Variants in SHANK2 observed in about 807,000 individuals in gnomAD.
The protein encoded by SHANK2 is SH3 and multiple ankyrin repeat domains 2, also known as SH3 and multiple ankyrin repeat domains protein 2.
Under a neutral mutation model 133.7 loss-of-function variants are expected in SHANK2, and 43 were observed. The ratio of observed to expected loss-of-function variants is 0.32; its 90% confidence interval spans 0.25 to 0.41. SHANK2 has a LOEUF of 0.41. Ranked by LOEUF, SHANK2 falls within the 10% of genes least tolerant of loss-of-function variation. The pLI is 1.00. For synonymous variants in SHANK2, 1,017 were observed against 952.8 expected, an observed-to-expected ratio of 1.07 and a Z score of -1.24; for missense variants, 1,994 against 2,235.8, an observed-to-expected ratio of 0.89 and a Z score of 2.18.
At chr11:71,141,110 T>G (rs1297861399) in intron 3 of SHANK2, among the ~76,000 whole-genome samples, 1 of 152,240 alleles carries the variant, frequency 6.6e-6, no homozygotes, top group African/African-American at 2.4e-5. Flanking sequence ...CGGGGCTGGC[T>G]GGCGTCCTAC....
chr11:70,552,290 G>C (rs969303995), intron 17 of SHANK2, among the ~76,000 whole-genome samples: 10 of 152,196 alleles, frequency 6.6e-5, no homozygotes, highest in African/African-American at 2.2e-4. Flanking sequence ...GAGAAGCTGA[G>C]AGAATGCCTG....
chr11:70,796,495 G>C (rs1947917732), intron 14 of SHANK2, among the ~76,000 whole-genome samples: 1 of 152,222 alleles, frequency 6.6e-6, no homozygotes, highest in South Asian at 2.1e-4. Flanking sequence ...AGGAGTGGTG[G>C]CTGCTCAGGA....
intron 17 of SHANK2, among the ~76,000 whole-genome samples, chr11:70,574,946 G>T (rs1268053629): frequency 1.3e-5 from 2 of 152,102 alleles, no homozygotes; most frequent in Non-Finnish European, 2.9e-5. Flanking sequence ...TGAGCAGAGA[G>T]GCCCCGCTAT....
chr11:71,112,624 A>G (rs1468411338), intron 5 of SHANK2, among the ~76,000 whole-genome samples: 1 of 152,118 alleles, frequency 6.6e-6, no homozygotes, highest in Admixed American at 6.5e-5. Context: ...GAACAGCACC[A>G]GGGGCCAGGG....
intron 14 of SHANK2, among the ~76,000 whole-genome samples, chr11:70,713,227 G>A (rs1361165142): frequency 6.6e-6 from 1 of 152,214 alleles, no homozygotes; most frequent in Non-Finnish European, 1.5e-5. Context: ...CAGCATGCTG[G>A]GCTGTGTTTC....
chr11:71,186,321 A>T (rs1953671016), intron 2 of SHANK2, among the ~76,000 whole-genome samples: 1 of 152,130 alleles, frequency 6.6e-6, no homozygotes, highest in African/African-American at 2.4e-5. Context: ...GGAGTGGACA[A>T]ATGCCGTCTG....
intron 15 of SHANK2, among the ~76,000 whole-genome samples, chr11:70,680,114 C>T (rs1045816184): frequency 2.0e-5 from 3 of 152,258 alleles, no homozygotes; most frequent in African/African-American, 7.2e-5. Flanking sequence ...CCTGCAGCCT[C>T]GGTTTCTCCA....
intron 11 of SHANK2, among the ~76,000 whole-genome samples, chr11:70,893,529 A>G (rs1555075123): frequency 6.6e-6 from 1 of 152,232 alleles, no homozygotes; most frequent in Non-Finnish European, 1.5e-5. Context: ...CTCAGCCTCC[A>G]CACCCTTCAT....
chr11:70,819,786 C>G (rs782374923), intron 12 of SHANK2, among the ~76,000 whole-genome samples: 3 of 152,186 alleles, frequency 2.0e-5, no homozygotes, highest in Admixed American at 6.5e-5. Context: ...CCTGCAAGTG[C>G]TCCCCTGAGG....
At chr11:70,875,417 C>T (rs1457257263) in intron 11 of SHANK2, among the ~76,000 whole-genome samples, 7 of 151,664 alleles carry the variant, frequency 4.6e-5, no homozygotes, top group Non-Finnish European at 1.0e-4. Flanking sequence ...CCCAGCTACT[C>T]AGGAGGCTGA....
At chr11:70,742,718 A>C (rs1016554315) in intron 14 of SHANK2, among the ~76,000 whole-genome samples, 3 of 152,218 alleles carry the variant, frequency 2.0e-5, no homozygotes, top group Non-Finnish European at 4.4e-5. Context: ...CTCTCCATGC[A>C]CAGCCACCCC....
At chr11:70,740,519 G>A (rs1017253057) in intron 14 of SHANK2, among the ~76,000 whole-genome samples, 1 of 152,140 alleles carries the variant, frequency 6.6e-6, no homozygotes, top group Non-Finnish European at 1.5e-5. Flanking sequence ...TAAACAGGGA[G>A]TAGCTGAAGC....
At chr11:71,064,060 A>C (rs1951018060) in intron 9 of SHANK2, among the ~76,000 whole-genome samples, 1 of 151,890 alleles carries the variant, frequency 6.6e-6, no homozygotes, top group Admixed American at 6.6e-5. Context: ...TGGCTGCTGG[A>C]TTCCCCAGAC....
intron 10 of SHANK2, among the ~76,000 whole-genome samples, chr11:70,920,868 C>G (rs1257059840): frequency 6.6e-6 from 1 of 152,148 alleles, no homozygotes; most frequent in Non-Finnish European, 1.5e-5. Flanking sequence ...GAGGTTAAGT[C>G]AAAACCTTGT....
intron 8 of SHANK2, among the ~76,000 whole-genome samples, chr11:71,080,135 G>C (rs1479635102): frequency 6.6e-6 from 1 of 152,128 alleles, no homozygotes; most frequent in Non-Finnish European, 1.5e-5. Context: ...GGAGGGTGGA[G>C]AGTAATGGGA....
chr11:70,619,416 C>T (rs1197541482), intron 17 of SHANK2, among the ~76,000 whole-genome samples: 1 of 152,104 alleles, frequency 6.6e-6, no homozygotes, highest in Non-Finnish European at 1.5e-5. Context: ...CTTGGGGGGT[C>T]CCATGGACTT....
At chr11:70,656,875 T>G (rs2061412056) in intron 17 of SHANK2, among the ~76,000 whole-genome samples, 1 of 152,048 alleles carries the variant, frequency 6.6e-6, no homozygotes, top group African/African-American at 2.4e-5. Context: ...TCCCAAAAGC[T>G]TAGGTAGGAG....
intron 8 of SHANK2, among the ~76,000 whole-genome samples, chr11:71,076,578 A>G (rs1169526915): frequency 6.6e-6 from 1 of 151,774 alleles, no homozygotes; most frequent in Non-Finnish European, 1.5e-5. Flanking sequence ...TCCATTTACC[A>G]TTGCTGTGTC....
intron 2 of SHANK2, among the ~76,000 whole-genome samples, chr11:71,221,518 G>T (rs1393570909): frequency 1.3e-5 from 2 of 152,174 alleles, no homozygotes; most frequent in Admixed American, 1.3e-4. Flanking sequence ...TAATCATTAG[G>T]GGGTGCCTGA....
Sources: gnomAD v4.1 joint callset for allele counts (sites outside exome capture counted in the v4.1 genomes callset) on GRCh38, gnomAD v4.1.1 for gene constraint, MANE v1.5 for transcripts, NCBI Gene and HGNC (gene_info 2026-07-23, HGNC 2026-07-21) for gene names.